The following ITGA1 variants were observed in gnomAD, a reference collection of about 807,000 sequenced individuals.
The protein encoded by ITGA1 is integrin alpha-1.
Under a neutral mutation model 145.9 loss-of-function variants are expected in ITGA1, and 85 were observed. The ratio of observed to expected loss-of-function variants is 0.58; its 90% CI spans 0.49 to 0.70. The LOEUF is 0.70. Among genes scored for constraint, ITGA1 ranks in the 30% least tolerant of loss-of-function variants. ITGA1 has a pLI of 0.00. For synonymous variants in ITGA1, 520 were observed against 495.3 expected (o/e 1.05, Z -0.66); for missense variants, 1,351 against 1,418.7 (o/e 0.95, Z 0.77).
Position 52,942,271 on chromosome 5 carries a change from A to T in ITGA1, c.3285+2327A>T, listed in dbSNP as rs1751064669. On this transcript the variant is annotated intron_variant, in intron 26 of 28. Coordinates refer to ENST00000282588, the MANE Select transcript of ITGA1 (RefSeq NM_181501.2). ...TTGGCTACCTGAGCTCTTTTTTTAGATCCACATGAATTTTAGAATAGTTTT... is the reference window on the plus strand; with the variant it reads ...TTGGCTACCTGAGCTCTTTTTTTAGTTCCACATGAATTTTAGAATAGTTTT... Among the ~76,000 whole-genome samples the T allele has an allele frequency of 7.2e-5, 11 of 152,230 alleles. No individual in the cohort carries two copies. In the South Asian group the frequency reaches 2.3e-3, roughly 32 times the overall value.
intron 1 of ITGA1, among the ~76,000 whole-genome samples, chr5:52,797,189 A>G (rs1360166875): frequency 6.6e-6 from 1 of 152,120 alleles, no homozygotes; most frequent in Non-Finnish European, 1.5e-5. Flanking sequence ...AGGAAAAAAA[A>G]AAGTTCCCAA....
intron 11 of ITGA1, chr5:52,904,663 G>C (rs61512425): frequency 0.17 from 25,382 of 152,040 alleles, 2,531 homozygotes; most frequent in South Asian, 0.3. Context: ...GACCATCCTG[G>C]CTAACACGGT....
intron 8 of ITGA1, among the ~76,000 whole-genome samples, chr5:52,889,190 CT>C (rs1750104277): frequency 6.6e-6 from 1 of 151,870 alleles, no homozygotes; most frequent in Admixed American, 6.6e-5. Flanking sequence ...AACCTCCAAC[CT>C]CCCAGGATCA....
chr5:52,851,198 C>G (rs6860395), intron 2 of ITGA1, among the ~76,000 whole-genome samples: 43,829 of 151,982 alleles, frequency 0.29, 6,830 homozygotes, highest in African/African-American at 0.4. Flanking sequence ...TTTCTGATAT[C>G]AGAAAAACCT....
intron 8 of ITGA1, among the ~76,000 whole-genome samples, chr5:52,891,932 T>G (rs1750158154): frequency 6.6e-6 from 1 of 152,100 alleles, no homozygotes; most frequent in Admixed American, 6.5e-5. Flanking sequence ...ATTTTTACAT[T>G]AAAAACTAAT....
chr5:52,788,477 G>A, intron 1 of ITGA1, 63 bp downstream of exon 1: 8 of 1,346,350 alleles, frequency 5.9e-6, no homozygotes, highest in Non-Finnish European at 7.8e-6. Flanking sequence ...GAGCGGGGAG[G>A]GAGGTCCTCA....
At chr5:52,867,729 C>T (rs1399103675) in intron 6 of ITGA1, among the ~76,000 whole-genome samples, 1 of 151,894 alleles carries the variant, frequency 6.6e-6, no homozygotes, top group African/African-American at 2.4e-5. Context: ...GTCATTTGGC[C>T]CCCAACCTCA....
chr5:52,904,694 A>G (rs984449208), intron 11 of ITGA1: 4 of 152,238 alleles, frequency 2.6e-5, no homozygotes, highest in African/African-American at 9.7e-5. Flanking sequence ...CTTACTAAAA[A>G]TACAAAAAAT....
At chr5:52,929,604 A>G (rs1412052115) in intron 20 of ITGA1, 21 bp from the exon 21 acceptor site, 1 of 1,259,806 alleles carries the variant, frequency 7.9e-7, no homozygotes, top group Non-Finnish European at 1.2e-6. Flanking sequence ...CTGTTACTAA[A>G]GACATATTTT....
chr5:52,929,763 G>A (rs974421222), intron 21 of ITGA1, 62 bp downstream of exon 21: 14 of 895,152 alleles, frequency 1.6e-5, no homozygotes, highest in Non-Finnish European at 1.7e-5. Context: ...TGTGTATGTC[G>A]AATATTTTGC....
intron 19 of ITGA1, 27 bp downstream of exon 19, chr5:52,925,514 G>C: frequency 6.5e-7 from 1 of 1,527,106 alleles, no homozygotes; most frequent in Non-Finnish European, 9.1e-7. Context: ...TCATTTATTT[G>C]TTCTCTTAAC....
At chr5:52,925,201 T>C (rs1283700623) in intron 18 of ITGA1, 77 bp from the exon 19 acceptor site, 2 of 1,113,816 alleles carry the variant, frequency 1.8e-6, no homozygotes, top group African/African-American at 3.1e-5. Context: ...TATGCCATTT[T>C]TGTTACACAA....
chr5:52,841,759 A>G (rs1749256345), intron 1 of ITGA1, among the ~76,000 whole-genome samples: 1 of 152,218 alleles, frequency 6.6e-6, no homozygotes, highest in Admixed American at 6.5e-5. Flanking sequence ...TTTCATCTGA[A>G]TTTAGTAGGT....
chr5:52,952,551 GT>G lies in ITGA1; in HGVS notation c.*101del. ...AATGTATAATTCATGACATAGTCAT[GT>G]AACTATGTAATCCATCAGGGATTCA... is the stretch of plus-strand genomic sequence containing the variant. On this transcript the variant is annotated 3_prime_UTR_variant, in exon 29 of 29. Coordinates refer to ENST00000282588, the MANE Select transcript of ITGA1 (RefSeq NM_181501.2). 2.0e-6 allele frequency: 1 copy of G among 493,422 alleles called. No individual in the cohort carries two copies. Among genetic ancestry groups the G allele is most frequent in the Non-Finnish European group, 3.6e-6 (1 of 278,274 alleles). 30.6% of individuals were successfully genotyped at this position (493,422 alleles called of 1,614,324 possible).
chr5:52,841,829 A>C (rs1437702232), intron 1 of ITGA1, among the ~76,000 whole-genome samples: 1 of 152,212 alleles, frequency 6.6e-6, no homozygotes, highest in Non-Finnish European at 1.5e-5. Context: ...TACAGTGAGA[A>C]TATATGACTT....
intron 6 of ITGA1, among the ~76,000 whole-genome samples, chr5:52,869,651 C>T (rs1749747391): frequency 6.6e-6 from 1 of 152,170 alleles, no homozygotes. Context: ...TACTGTGGCA[C>T]AGTAAGTCCT....
rs1751244205 is a variant in ITGA1, at chr5:52,952,768, A to G, written c.*317A>G. Reference sequence around the variant, plus strand: ...ACCATCCAAAATATTTAAGGAATATATAAAAAGATTTTTATGATCATAGAA... The same window carrying G: ...ACCATCCAAAATATTTAAGGAATATGTAAAAAGATTTTTATGATCATAGAA... On this transcript the variant is annotated 3_prime_UTR_variant, in exon 29 of 29. Transcript: ENST00000282588. 6.3e-6 allele frequency: 1 copy of G among 158,298 alleles called. No homozygotes were observed. The highest frequency in any genetic ancestry group is 2.0e-4 in the South Asian group (1 of 4,928). 9.8% of individuals were successfully genotyped at this position (158,298 alleles called of 1,614,324 possible). A position where few individuals can be genotyped will look rare whatever the true frequency, so the allele number is the denominator to read the frequency against.
chr5:52,907,226 CTT>C (rs1175325805), intron 12 of ITGA1, among the ~76,000 whole-genome samples: 6 of 152,144 alleles, frequency 3.9e-5, no homozygotes, highest in African/African-American at 7.2e-5. Flanking sequence ...TTTATTAACT[CTT>C]TGCCCACATT....
intron 10 of ITGA1, among the ~76,000 whole-genome samples, chr5:52,897,835 G>A (rs1425356265): frequency 2.5e-5 from 1 of 40,222 alleles, no homozygotes; most frequent in African/African-American, 1.0e-4. Flanking sequence ...TACAGATGTG[G>A]AATATTTTTC....
Sources: allele counts gnomAD v4.1 joint callset (sites outside exome capture counted in the v4.1 genomes callset), GRCh38; gene constraint gnomAD v4.1.1; transcripts MANE v1.5; gene names NCBI Gene and HGNC (gene_info 2026-07-23, HGNC 2026-07-21).